XNDC1N: variants seen among roughly 807,000 people sequenced by gnomAD.
XNDC1N encodes protein XNDC1N.
At chr11:71,912,358 A>G in the XNDC1N span, among the ~76,000 whole-genome samples, 1 of 152,148 alleles carries the variant, frequency 6.6e-6, no homozygotes, top group Non-Finnish European at 1.5e-5. Flanking sequence ...GATGTTAGCA[A>G]CGAGATCACA....
the XNDC1N span, among the ~76,000 whole-genome samples, chr11:71,921,819 A>G: frequency 0.025 from 3,860 of 152,222 alleles, 156 homozygotes; most frequent in African/African-American, 0.088. Flanking sequence ...AGTGGAAAAC[A>G]CGAAGTTTGA....
At chr11:71,915,340 C>T in the XNDC1N span, among the ~76,000 whole-genome samples, 66 of 151,570 alleles carry the variant, frequency 4.4e-4, no homozygotes, top group Admixed American at 2.4e-3. Context: ...CCCAGCTATT[C>T]GGGAGGCTGA....
chr11:71,898,825 G>A, the XNDC1N span, among the ~76,000 whole-genome samples: 1 of 152,100 alleles, frequency 6.6e-6, no homozygotes, highest in Admixed American at 6.5e-5. Flanking sequence ...CGTACTTAAT[G>A]TCATGAAACT....
chr11:71,884,423 T>C, the XNDC1N span: 1 of 1,594,968 alleles, frequency 6.3e-7, no homozygotes, highest in Non-Finnish European at 8.5e-7. Context: ...GCTTCACTTC[T>C]AATGATGAAT....
the XNDC1N span, among the ~76,000 whole-genome samples, chr11:71,921,246 C>T: frequency 6.6e-6 from 1 of 152,016 alleles, no homozygotes. Context: ...CCTTAACTTC[C>T]CAGGCTCAGG....
At chr11:71,886,580 C>G in the XNDC1N span, among the ~76,000 whole-genome samples, 1 of 149,484 alleles carries the variant, frequency 6.7e-6, no homozygotes, top group Non-Finnish European at 1.5e-5. Context: ...CACAATTCTA[C>G]GAGAGACTGT....
chr11:71,894,517 C>T, the XNDC1N span: 1,541 of 144,638 alleles, frequency 0.011, no homozygotes, highest in African/African-American at 0.029. Context: ...GCTTTTATTC[C>T]TTTCCGCATT....
the XNDC1N span, among the ~76,000 whole-genome samples, chr11:71,926,933 A>G: frequency 6.6e-6 from 1 of 151,870 alleles, no homozygotes; most frequent in Non-Finnish European, 1.5e-5. Flanking sequence ...AAAATAAAAT[A>G]AAATAAAATA....
At chr11:71,899,830 CAA>C in the XNDC1N span, among the ~76,000 whole-genome samples, 2 of 152,220 alleles carry the variant, frequency 1.3e-5, no homozygotes, top group Non-Finnish European at 2.9e-5. Flanking sequence ...GTGGATTAGT[CAA>C]AGAGGAAAGC....
chr11:71,888,143 C>A, the XNDC1N span, among the ~76,000 whole-genome samples: 1 of 152,122 alleles, frequency 6.6e-6, no homozygotes, highest in Non-Finnish European at 1.5e-5. Context: ...AACAGATGCC[C>A]TACACCGGCA....
At chr11:71,893,636 A>T in the XNDC1N span, 1 of 1,126,946 alleles carries the variant, frequency 8.9e-7, no homozygotes, top group South Asian at 1.2e-5. Flanking sequence ...TCCCCCCTCC[A>T]CACCCCCACG....
chr11:71,906,747 G>T, the XNDC1N span, among the ~76,000 whole-genome samples: 2 of 152,140 alleles, frequency 1.3e-5, no homozygotes, highest in East Asian at 3.9e-4. Context: ...ATCACTGTGT[G>T]TACACCCCGT....
chr11:71,914,752 G>T, the XNDC1N span, among the ~76,000 whole-genome samples: 2 of 152,002 alleles, frequency 1.3e-5, no homozygotes, highest in Non-Finnish European at 2.9e-5. Flanking sequence ...GGATGTGACA[G>T]AATTACTGCA....
chr11:71,911,951 A>T, the XNDC1N span, among the ~76,000 whole-genome samples: 2 of 152,136 alleles, frequency 1.3e-5, no homozygotes, highest in Non-Finnish European at 2.9e-5. Flanking sequence ...CTGCAGGTAG[A>T]GGGAAGGACA....
chr11:71,867,080 G>A, the XNDC1N span, among the ~76,000 whole-genome samples: 3 of 152,000 alleles, frequency 2.0e-5, no homozygotes, highest in African/African-American at 7.3e-5. Context: ...ATGTAAAGTA[G>A]TATGACACCC....
At chr11:71,914,051 A>T in the XNDC1N span, among the ~76,000 whole-genome samples, 1 of 152,266 alleles carries the variant, frequency 6.6e-6, no homozygotes, top group African/African-American at 2.4e-5. Flanking sequence ...ATGGAGATGT[A>T]CAAGGAGCTT....
chr11:71,917,515 C>T, the XNDC1N span: 12 of 700,358 alleles, frequency 1.7e-5, no homozygotes, highest in South Asian at 1.3e-4. Flanking sequence ...CCTGCACAGG[C>T]TCCCTCCCAC....
At chr11:71,898,079 G>A in the XNDC1N span, among the ~76,000 whole-genome samples, 2 of 152,116 alleles carry the variant, frequency 1.3e-5, no homozygotes, top group African/African-American at 4.8e-5. Flanking sequence ...AACTACTCAA[G>A]AGGCTGAGGC....
chr11:71,902,659 T>A, the XNDC1N span, among the ~76,000 whole-genome samples: 21 of 152,378 alleles, frequency 1.4e-4, no homozygotes, highest in African/African-American at 5.1e-4. Flanking sequence ...CATGTGGAAC[T>A]ATTTTCTGCT....
Sources: gnomAD v4.1 joint callset for allele counts (sites outside exome capture counted in the v4.1 genomes callset) on GRCh38, gnomAD v4.1.1 for gene constraint, MANE v1.5 for transcripts, NCBI Gene and HGNC (gene_info 2026-07-23, HGNC 2026-07-21) for gene names.